INPP4B: variants seen among roughly 807,000 people sequenced by gnomAD.
INPP4B encodes inositol polyphosphate 4-phosphatase type II.
Under a neutral mutation model 122.5 loss-of-function variants are expected in INPP4B, and 55 were observed. The observed-to-expected ratio is 0.45, with a 90% CI of 0.36 to 0.56. The LOEUF (loss-of-function observed/expected upper bound fraction) is 0.56. Ranked by LOEUF, INPP4B falls within the 20% of genes least tolerant of loss-of-function variation. The pLI, the probability that INPP4B is intolerant of heterozygous loss-of-function variation, is 0.00. For missense variants in INPP4B, 1,000 were observed against 1,097.7 expected (o/e 0.91, Z 1.26); for synonymous variants, 403 against 388.7 (o/e 1.04, Z -0.43).
intron 1 of INPP4B, among the ~76,000 whole-genome samples, chr4:142,752,621 G>A (rs963479747): frequency 1.3e-5 from 2 of 152,032 alleles, no homozygotes; most frequent in African/African-American, 4.8e-5. Flanking sequence ...TTTGTCCTTG[G>A]AAGAGTTACA....
At chr4:142,708,284 T>C (rs1273706953) in intron 2 of INPP4B, among the ~76,000 whole-genome samples, 2 of 152,142 alleles carry the variant, frequency 1.3e-5, no homozygotes, top group Non-Finnish European at 2.9e-5. Context: ...AGCCTCACCA[T>C]GTGGTAGAAA....
At chr4:142,411,711 G>A (rs986997819) in intron 5 of INPP4B, among the ~76,000 whole-genome samples, 8 of 152,060 alleles carry the variant, frequency 5.3e-5, no homozygotes, top group African/African-American at 1.4e-4. Context: ...GGCCAACATC[G>A]CACAACTCCA....
intron 9 of INPP4B, among the ~76,000 whole-genome samples, chr4:142,271,834 T>G (rs1375241080): frequency 6.6e-6 from 1 of 152,190 alleles, no homozygotes; most frequent in Non-Finnish European, 1.5e-5. Flanking sequence ...AGCATAAAAA[T>G]TTTATGTTTG....
chr4:142,645,643 A>G (rs1751596920), intron 2 of INPP4B, among the ~76,000 whole-genome samples: 1 of 152,188 alleles, frequency 6.6e-6, no homozygotes. Flanking sequence ...CAGAAGCCGG[A>G]TGTTAAGGCT....
intron 25 of INPP4B, among the ~76,000 whole-genome samples, chr4:142,047,608 T>C (rs1050978037): frequency 6.6e-6 from 1 of 152,008 alleles, no homozygotes; most frequent in Non-Finnish European, 1.5e-5. Flanking sequence ...AACAATTAGA[T>C]TAATGATACT....
At chr4:142,176,535 A>G (rs1828364903) in intron 15 of INPP4B, among the ~76,000 whole-genome samples, 1 of 152,104 alleles carries the variant, frequency 6.6e-6, no homozygotes, top group Admixed American at 6.6e-5. Flanking sequence ...ATTCCCTGAC[A>G]GTCTCCACTC....
chr4:142,611,394 T>C (rs922669383), intron 2 of INPP4B, among the ~76,000 whole-genome samples: 55 of 152,166 alleles, frequency 3.6e-4, no homozygotes, highest in African/African-American at 1.3e-3. Flanking sequence ...TGCTGGTATT[T>C]ATAAGCATCT....
intron 7 of INPP4B, among the ~76,000 whole-genome samples, chr4:142,402,481 T>C (rs1349386796): frequency 6.6e-6 from 1 of 152,188 alleles, no homozygotes; most frequent in Non-Finnish European, 1.5e-5. Context: ...CCAATTACCT[T>C]CTGTTTGCTT....
chr4:142,584,342 T>C (rs186520205), intron 2 of INPP4B, among the ~76,000 whole-genome samples: 2 of 152,300 alleles, frequency 1.3e-5, no homozygotes, highest in African/African-American at 4.8e-5. Flanking sequence ...GATACATTAT[T>C]ATTATCTAAA....
At chr4:142,159,588 ATT>A (rs1322800117) in intron 17 of INPP4B, among the ~76,000 whole-genome samples, 1 of 151,716 alleles carries the variant, frequency 6.6e-6, no homozygotes, top group African/African-American at 2.4e-5. Context: ...CTAGCACACT[ATT>A]TTTTTTGTTA....
intron 2 of INPP4B, among the ~76,000 whole-genome samples, chr4:142,656,125 C>G (rs779092211): frequency 1.3e-5 from 2 of 152,270 alleles, no homozygotes; most frequent in South Asian, 4.1e-4. Flanking sequence ...CAGGGAGGAG[C>G]CTGGCCCCTC....
intron 2 of INPP4B, among the ~76,000 whole-genome samples, chr4:142,633,408 G>C (rs1166095025): frequency 4.6e-5 from 7 of 152,078 alleles, no homozygotes; most frequent in African/African-American, 1.7e-4. Context: ...GAAAAATATA[G>C]AGCGCTTTTC....
intron 2 of INPP4B, among the ~76,000 whole-genome samples, chr4:142,717,435 G>A (rs1419046289): frequency 6.6e-6 from 1 of 152,186 alleles, no homozygotes; most frequent in Admixed American, 6.5e-5. Context: ...CAGCCAGGAA[G>A]CAATAAGCTA....
chr4:142,252,242 G>A (rs1285813120), intron 11 of INPP4B, among the ~76,000 whole-genome samples: 2 of 145,646 alleles, frequency 1.4e-5, no homozygotes, highest in African/African-American at 5.1e-5. Flanking sequence ...AGGCTGGAGT[G>A]CAGTGGCGCG....
In INPP4B at chr4:142,634,849, G is replaced by A. The variant is rs1018207269; in HGVS notation, c.-191+90990C>T. Reference sequence around the variant, plus strand: ...ATAAGAAAAACAATAAAAGGTATAAGAACTGGAAAAAAATGAAAATATTAT... The same window carrying A: ...ATAAGAAAAACAATAAAAGGTATAAAAACTGGAAAAAAATGAAAATATTAT... On this transcript the variant is annotated intron_variant, in intron 2 of 25. Transcript: ENST00000262992. Among the ~76,000 whole-genome samples the A allele has an allele frequency of 3.3e-5, 5 of 151,950 alleles. No individual in the cohort carries two copies. In the South Asian group the frequency reaches 8.3e-4, roughly 25 times the overall value.
At chr4:142,620,492 C>T (rs764038628) in intron 2 of INPP4B, among the ~76,000 whole-genome samples, 3 of 151,824 alleles carry the variant, frequency 2.0e-5, no homozygotes, top group Non-Finnish European at 2.9e-5. Flanking sequence ...AATAGACACT[C>T]GTGCCCACTT....
At chr4:142,196,217 C>A (rs941164261) in intron 14 of INPP4B, among the ~76,000 whole-genome samples, 3 of 152,130 alleles carry the variant, frequency 2.0e-5, no homozygotes, top group Non-Finnish European at 2.9e-5. Flanking sequence ...CTGACGTTTT[C>A]TTTTCATTCT....
intron 5 of INPP4B, among the ~76,000 whole-genome samples, chr4:142,411,861 T>G (rs905752569): frequency 2.0e-5 from 3 of 152,104 alleles, no homozygotes; most frequent in African/African-American, 7.2e-5. Context: ...CACTGCACTC[T>G]AGCCTGGGTG....
intron 2 of INPP4B, among the ~76,000 whole-genome samples, chr4:142,585,846 T>TTTATTATTATTATTA (rs59890158): frequency 6.8e-4 from 99 of 144,606 alleles, no homozygotes; most frequent in East Asian, 4.7e-3. Flanking sequence ...CACTAAACAC[T>TTTATTATTATTATTA]TTATTATTAT....
Sources: allele counts gnomAD v4.1 joint callset (sites outside exome capture counted in the v4.1 genomes callset), GRCh38; gene constraint gnomAD v4.1.1; transcripts MANE v1.5; gene names NCBI Gene and HGNC (gene_info 2026-07-23, HGNC 2026-07-21).